Variants in FAF1 observed in about 807,000 individuals in gnomAD.
FAF1 encodes the protein FAS-associated factor 1.
In FAF1, 25 loss-of-function variants were observed where a neutral mutation model predicts 92.5. The ratio of observed to expected loss-of-function variants is 0.27; its 90% confidence interval spans 0.20 to 0.38. FAF1 has a LOEUF of 0.38. Ranked by LOEUF, FAF1 falls within the 10% of genes least tolerant of loss-of-function variation. The probability of loss-of-function intolerance (pLI) is 1.00; values close to 1 mark genes in which losing one functional copy is unlikely to be tolerated. For missense variants in FAF1, 636 were observed against 793.3 expected (o/e 0.80, Z 2.38); for synonymous variants, 234 against 273.2 (o/e 0.86, Z 1.42).
chr1:50,647,533 G>C (rs1224199357), intron 8 of FAF1, among the ~76,000 whole-genome samples: 2 of 151,796 alleles, frequency 1.3e-5, no homozygotes, highest in Non-Finnish European at 2.9e-5. Flanking sequence ...AATTTAATTT[G>C]TCTGAAGTTT....
intron 7 of FAF1, among the ~76,000 whole-genome samples, chr1:50,658,236 T>C (rs776243472): frequency 6.6e-6 from 1 of 152,098 alleles, no homozygotes; most frequent in Admixed American, 6.5e-5. Context: ...TTTGAAATAA[T>C]TTCTTGAAAT....
chr1:50,621,228 T>C (rs1195772218), intron 8 of FAF1, among the ~76,000 whole-genome samples: 1 of 151,906 alleles, frequency 6.6e-6, no homozygotes, highest in East Asian at 1.9e-4. Context: ...ACTGGGAAAA[T>C]ACTCAGGTGG....
rs944351713 is a variant in FAF1, at chr1:50,804,214, T to G, written c.115-2537A>C. Among the ~76,000 whole-genome samples the G allele has an allele frequency of 3.3e-5, 5 of 152,186 alleles. No homozygotes were observed. The South Asian group carries it at 1.0e-3, about 32-fold the overall frequency. On this transcript the variant is annotated intron_variant, in intron 2 of 18. Coordinates refer to ENST00000396153, the MANE Select transcript of FAF1 (RefSeq NM_007051.3). The stretch of plus-strand genomic sequence containing the variant: ...GACCAAGTATATTCAACAATTAGTT[T>G]TACTATGAAAAATTCAGCTAATACC...
rs1557503896 is a variant in FAF1 at position 50,741,176 on chromosome 1, C to G, written c.460-2222G>C. ...GATGGGACCAAATTAGATACAGAAG[C>G]CTGTTGGAGAAGGTAACCTTAAGCT... On this transcript the variant is annotated intron_variant, in intron 5 of 18. Coordinates refer to ENST00000396153, the MANE Select transcript of FAF1 (RefSeq NM_007051.3). Among the ~76,000 whole-genome samples, 7 of 152,214 alleles carry G rather than the reference C, an allele frequency of 4.6e-5. 1 individual carries two copies. The South Asian group carries it at 1.2e-3, about 27-fold the overall frequency.
chr1:50,705,979 C>A (rs1657659300), intron 6 of FAF1, 88 bp from the exon 7 acceptor site: 1 of 705,624 alleles, frequency 1.4e-6, no homozygotes. Flanking sequence ...CCAGGAGTAC[C>A]CTAACCTCCA....
chr1:50,533,913 C>T (rs1648321806), intron 15 of FAF1, among the ~76,000 whole-genome samples: 2 of 152,130 alleles, frequency 1.3e-5, no homozygotes, highest in Admixed American at 1.3e-4. Context: ...CTCCTACCAG[C>T]TATATGGCCT....
intron 7 of FAF1, among the ~76,000 whole-genome samples, chr1:50,693,999 TTA>T (rs3033489): frequency 0.33 from 47,878 of 146,900 alleles, 9,277 homozygotes; most frequent in East Asian, 0.76. Flanking sequence ...ATATGTGTCA[TTA>T]TATATATACA....
chr1:50,627,184 T>G (rs1653543855), intron 8 of FAF1, among the ~76,000 whole-genome samples: 1 of 152,120 alleles, frequency 6.6e-6, no homozygotes, highest in Admixed American at 6.5e-5. Flanking sequence ...TGAGTGATAA[T>G]TTAAATTGTA....
At chr1:50,505,403 A>C (rs1203149315) in intron 15 of FAF1, among the ~76,000 whole-genome samples, 2 of 152,192 alleles carry the variant, frequency 1.3e-5, no homozygotes, top group Non-Finnish European at 2.9e-5. Flanking sequence ...TGGTATATCC[A>C]GCTAAATGGT....
chr1:50,537,070 G>A (rs557457076), intron 14 of FAF1, among the ~76,000 whole-genome samples: 2 of 152,204 alleles, frequency 1.3e-5, no homozygotes, highest in East Asian at 1.9e-4. Context: ...TGGGATTATA[G>A]GTATGTGCCA....
chr1:50,895,961 TAA>T (rs980300720), intron 1 of FAF1, among the ~76,000 whole-genome samples: 18 of 152,136 alleles, frequency 1.2e-4, no homozygotes, highest in African/African-American at 3.4e-4. Context: ...GGTGAAAAAC[TAA>T]AAGTCTTTCT....
intron 4 of FAF1, among the ~76,000 whole-genome samples, chr1:50,752,944 A>T (rs564994359): frequency 6.6e-6 from 1 of 152,324 alleles, no homozygotes; most frequent in African/African-American, 2.4e-5. Flanking sequence ...TCAGCCTCCC[A>T]AAGTGCTGGG....
At chr1:50,615,781 A>G (rs749804030) in intron 8 of FAF1, among the ~76,000 whole-genome samples, 8 of 151,960 alleles carry the variant, frequency 5.3e-5, no homozygotes, top group Non-Finnish European at 1.0e-4. Flanking sequence ...GTAGAGTTTG[A>G]AAGTATTTTC....
chr1:50,684,766 A>C (rs1557473893), intron 7 of FAF1, among the ~76,000 whole-genome samples: 2 of 152,232 alleles, frequency 1.3e-5, no homozygotes, highest in Admixed American at 6.5e-5. Context: ...TAACTGCTAC[A>C]ATATAGATAG....
intron 8 of FAF1, among the ~76,000 whole-genome samples, chr1:50,645,834 G>GA (rs139500832): frequency 0.4 from 58,169 of 145,064 alleles, 12,187 homozygotes; most frequent in African/African-American, 0.53. Flanking sequence ...TCTAAAAAAA[G>GA]AAAAAAAAAA....
intron 7 of FAF1, among the ~76,000 whole-genome samples, chr1:50,660,579 C>T (rs1377717202): frequency 6.6e-6 from 1 of 151,958 alleles, no homozygotes; most frequent in Admixed American, 6.6e-5. Context: ...CTGCAACCTC[C>T]ACCTCCTGGA....
At chr1:50,587,768 T>G (rs2124041887) in intron 9 of FAF1, among the ~76,000 whole-genome samples, 2 of 152,284 alleles carry the variant, frequency 1.3e-5, no homozygotes, top group African/African-American at 4.8e-5. Context: ...GCACCATATA[T>G]TATACACAGA....
chr1:50,756,082 C>A (rs557824451), intron 4 of FAF1, among the ~76,000 whole-genome samples: 2 of 152,338 alleles, frequency 1.3e-5, no homozygotes, highest in South Asian at 4.1e-4. Flanking sequence ...CAAATTTCTG[C>A]AGCTGGCTTA....
At position 50,452,203 on chromosome 1, in the gene FAF1, A is replaced by G. The variant is rs1197203063; in HGVS notation, c.1870-10680T>C. 7 of 1,289,592 alleles carry G rather than the reference A, an allele frequency of 5.4e-6. No individual in the cohort carries two copies. The African/African-American group carries it at 9.2e-5, about 17-fold the overall frequency. 79.9% of individuals were successfully genotyped at this position (1,289,592 alleles called of 1,614,324 possible). On this transcript the variant is annotated intron_variant, in intron 18 of 18. Coordinates refer to ENST00000396153, the MANE Select transcript of FAF1 (RefSeq NM_007051.3). ...TGGAAAGTCCTGGAATCTGGAAGAC[A>G]TAATTTCAAGCAAATAAAAGAAAGT...
Sources: allele counts gnomAD v4.1 joint callset (sites outside exome capture counted in the v4.1 genomes callset), GRCh38; gene constraint gnomAD v4.1.1; transcripts MANE v1.5; gene names NCBI Gene and HGNC (gene_info 2026-07-23, HGNC 2026-07-21).